The following CCDC40 variants were observed in gnomAD, a reference collection of about 807,000 sequenced individuals.
The protein encoded by CCDC40 is coiled-coil domain-containing protein 40.
CCDC40 carries 104 observed loss-of-function variants against 124.5 expected under a neutral mutation model. That is an observed-to-expected ratio of 0.84 (90% CI 0.71 to 0.98). The LOEUF (loss-of-function observed/expected upper bound fraction) is 0.98. Among genes scored for constraint, CCDC40 ranks in the 50% least tolerant of loss-of-function variants. The probability of loss-of-function intolerance (pLI) is 0.00; values close to 1 mark genes in which losing one functional copy is unlikely to be tolerated. For synonymous variants in CCDC40, 580 were observed against 602.9 expected (o/e 0.96, Z 0.56); for missense variants, 1,463 against 1,503.9 (o/e 0.97, Z 0.45).
chr17:80,066,447 A>G lies in CCDC40; in HGVS notation c.1562+841A>G. On this transcript the variant is annotated intron_variant, in intron 10 of 19. Coordinates refer to ENST00000397545, the MANE Select transcript of CCDC40 (RefSeq NM_017950.4). The surrounding 1 kb of genome is among the most constrained non-coding windows in gnomAD (Gnocchi z 4.4). ...TTTAGACCAAAACATTTTCAAATGA[A>G]TAATATTGGATTAACCATACTCATT... 1 of 486,072 alleles carries G rather than the reference A, an allele frequency of 2.1e-6. No homozygotes were observed. The allele number at this position is 486,072 out of a possible 1,614,324, so 30.1% of individuals were successfully genotyped here. A position where few individuals can be genotyped will look rare whatever the true frequency, so the allele number is the denominator to read the frequency against.
Position 80,087,911 on chromosome 17 carries a change from C to A in CCDC40, c.2620-100C>A. The A allele has an allele frequency of 7.9e-7, 1 of 1,272,948 alleles. No homozygotes were observed. Among genetic ancestry groups the A allele is most frequent in the Non-Finnish European group, 1.1e-6 (1 of 870,744 alleles). The allele number at this position is 1,272,948 out of a possible 1,614,324, so 78.9% of individuals were successfully genotyped here. A position where few individuals can be genotyped will look rare whatever the true frequency, so the allele number is the denominator to read the frequency against. ...GCTTGTAGGGGTATTAGAAATCCAG[C>A]CTGCAGCCCTGCCCTCGGTGCCGGG... On this transcript the variant is annotated intron_variant, in intron 15 of 19. Transcript: ENST00000397545. This position sits in a 1 kb window ranked among gnomAD's most constrained non-coding sequence, Gnocchi z 4.5.
chr17:80,043,491 A>ACACACCCCTGCGGCCGGCCTTGGCT (rs796670136), intron 3 of CCDC40, among the ~76,000 whole-genome samples: 2 of 96,786 alleles, frequency 2.1e-5, no homozygotes, highest in Admixed American at 8.9e-5. Context: ...ATTTATTGGA[A>ACACACCCCTGCGGCCGGCCTTGGCT]CACACCCCTG....
chr17:80,095,166 G>A, intron 17 of CCDC40, 97 bp from the exon 18 acceptor site: 1 of 1,139,406 alleles, frequency 8.8e-7, no homozygotes, highest in Non-Finnish European at 1.3e-6. Flanking sequence ...CCCCATGCGT[G>A]TCACCGGAGG....
chr17:80,055,194 T>C (rs1021671537), intron 7 of CCDC40, among the ~76,000 whole-genome samples: 2 of 152,022 alleles, frequency 1.3e-5, no homozygotes, highest in Non-Finnish European at 2.9e-5. Flanking sequence ...CCTGCTAGCA[T>C]AGCAGTTACC....
rs1272262172 is a variant in CCDC40 at position 80,065,587 on chromosome 17, G to A, written c.1543G>A (p.Ala515Thr). The change falls in exon 10 of 20, where the codon GCG becomes ACG. Residue 515 changes from alanine (A) to threonine (T), a missense_variant. Ala to Thr is a moderately conservative substitution (Grantham distance 58). Coordinates refer to ENST00000397545, the MANE Select transcript of CCDC40 (RefSeq NM_017950.4). The stretch of plus-strand genomic sequence containing the variant: ...GAAGCACCGCGACGAGGCGCACAGG[G>A]CGGTGCTGGAGGCGCTCAGGTACTG... ...GMKHRDEAHR[A>T]VLEALRGCQH... 2 of 1,612,664 alleles carry A rather than the reference G, an allele frequency of 1.2e-6. No individual in the cohort carries two copies. Among genetic ancestry groups the A allele is most frequent in the African/African-American group, 2.7e-5 (2 of 74,928 alleles).
At chr17:80,088,227 AT>A in intron 16 of CCDC40, 125 bp downstream of exon 16, 1 of 734,080 alleles carries the variant, frequency 1.4e-6, no homozygotes, top group Non-Finnish European at 2.5e-6. Flanking sequence ...TGCTTTGGTC[AT>A]TTTTTGTTGT....
intron 17 of CCDC40, among the ~76,000 whole-genome samples, chr17:80,092,773 C>T (rs2038745373): frequency 6.6e-6 from 1 of 151,934 alleles, no homozygotes; most frequent in African/African-American, 2.4e-5. Flanking sequence ...ACGGCACCCA[C>T]CCCTCAGTCT....
Position 80,087,535 on chromosome 17 carries a change from G to T in CCDC40, c.2450-72G>T. The T allele has an allele frequency of 7.8e-7, 1 of 1,277,038 alleles. No individual in the cohort carries two copies. Among genetic ancestry groups the T allele is most frequent in the South Asian group, 1.2e-5 (1 of 82,238 alleles). 79.1% of individuals were successfully genotyped at this position (1,277,038 alleles called of 1,614,324 possible). ...GAGACAAAACCTGGCTCACCTCTCG[G>T]ACACTGCTGCCTGCGGGCGAGGACC... is the stretch of plus-strand genomic sequence containing the variant. On this transcript the variant is annotated intron_variant, in intron 14 of 19. Transcript: ENST00000397545. This position sits in a 1 kb window ranked among gnomAD's most constrained non-coding sequence, Gnocchi z 4.5.
At chr17:80,067,786 G>A (rs1205148499) in intron 10 of CCDC40, 12 of 1,457,658 alleles carry the variant, frequency 8.2e-6, no homozygotes, top group East Asian at 2.5e-5. Context: ...TCACGCCCCC[G>A]GCAGCGGTGT....
chr17:80,050,373 G>A (rs1011920490), intron 7 of CCDC40, 90 bp downstream of exon 7: 16 of 1,050,370 alleles, frequency 1.5e-5, no homozygotes, highest in Non-Finnish European at 2.3e-5. Context: ...ATCTAGAAAA[G>A]TAAGATGTGT....
At chr17:80,084,009 T>A (rs2038520383) in intron 12 of CCDC40, among the ~76,000 whole-genome samples, 1 of 152,180 alleles carries the variant, frequency 6.6e-6, no homozygotes, top group South Asian at 2.1e-4. Flanking sequence ...TAGAAAAGAC[T>A]GGGAGGAAAA....
chr17:80,044,809 C>G (rs1291309305), intron 3 of CCDC40, among the ~76,000 whole-genome samples: 8 of 151,636 alleles, frequency 5.3e-5, no homozygotes, highest in South Asian at 2.1e-4. Flanking sequence ...GCTCTGTAAA[C>G]CCGATTTTCA....
chr17:80,036,961 T>C, intron 1 of CCDC40, among the ~76,000 whole-genome samples: 1 of 151,788 alleles, frequency 6.6e-6, no homozygotes, highest in East Asian at 1.9e-4. Flanking sequence ...AGCGCGCGAC[T>C]CCCTCTAAAA....
chr17:80,041,030 C>T (rs1034709446), intron 3 of CCDC40, among the ~76,000 whole-genome samples: 1 of 152,216 alleles, frequency 6.6e-6, no homozygotes, highest in Non-Finnish European at 1.5e-5. Context: ...ATGACAATAG[C>T]TGCGTTCTTA....
rs757748232 is a variant in CCDC40, at chr17:80,037,690, G to GATATATATATATATATATATATATAT, written c.30-428_30-427insTATATATATATATATATATATATATA. On this transcript the variant is annotated intron_variant, in intron 1 of 19. Transcript: ENST00000397545. ...CTTGAATCTTTAATTTTTTAAAAAAGATATACATATATATATATATATATA... is the reference window on the plus strand; with the variant it reads ...CTTGAATCTTTAATTTTTTAAAAAAGATATATATATATATATATATATATATATATACATATATATATATATATATA... Among the ~76,000 whole-genome samples, 194 of 92,022 alleles carry GATATATATATATATATATATATATAT rather than the reference G, an allele frequency of 2.1e-3. 14 individuals are homozygous for GATATATATATATATATATATATATAT. Among genetic ancestry groups the GATATATATATATATATATATATATAT allele is most frequent in the Middle Eastern group, 6.5e-3 (1 of 154 alleles). 60.4% of individuals were successfully genotyped at this position (92,022 alleles called of 152,430 possible). A position where few individuals can be genotyped will look rare whatever the true frequency, so the allele number is the denominator to read the frequency against.
At position 80,087,109 on chromosome 17, in the gene CCDC40, G is replaced by A. The variant is rs889396007; in HGVS notation, c.2450-498G>A. ...AGAAGCCCTGTGAGGAGTGGCCAGC[G>A]GATGAACCAGCTGTGGCCTCTTGTG... On this transcript the variant is annotated intron_variant, in intron 14 of 19. Coordinates refer to ENST00000397545, the MANE Select transcript of CCDC40 (RefSeq NM_017950.4). The surrounding 1 kb of genome is among the most constrained non-coding windows in gnomAD (Gnocchi z 4.5). The A allele has an allele frequency of 5.1e-5, 11 of 213,756 alleles. No homozygotes were observed. Among genetic ancestry groups the A allele is most frequent in the African/African-American group, 6.8e-5 (3 of 44,184 alleles). 13.2% of individuals were successfully genotyped at this position (213,756 alleles called of 1,614,324 possible).
intron 10 of CCDC40, among the ~76,000 whole-genome samples, chr17:80,079,835 G>A (rs558258051): frequency 2.6e-5 from 4 of 151,872 alleles, no homozygotes; most frequent in Non-Finnish European, 5.9e-5. Context: ...GGCAGCTGAG[G>A]CATGAGAATC....
chr17:80,087,605 A>G lies in CCDC40; in HGVS notation c.2450-2A>G. The G allele has an allele frequency of 1.2e-6, 2 of 1,613,940 alleles. No homozygotes were observed. The highest frequency in any genetic ancestry group is 1.7e-6 in the Non-Finnish European group (2 of 1,179,826). The stretch of plus-strand genomic sequence containing the variant: ...TCCCTGAGTCTCTGTTTTCTGCCAT[A>G]GGCAAGATTGAGCAGGAGAAGAAGG... On this transcript the variant is annotated splice_acceptor_variant, in intron 14 of 19. Coordinates refer to ENST00000397545, the MANE Select transcript of CCDC40 (RefSeq NM_017950.4). LOFTEE classifies it high-confidence loss of function. The surrounding 1 kb of genome is among the most constrained non-coding windows in gnomAD (Gnocchi z 4.5).
Position 80,084,969 on chromosome 17 carries a change from G to T in CCDC40, c.2216G>T (p.Arg739Leu). 1 of 1,613,832 alleles carries T rather than the reference G, an allele frequency of 6.2e-7. No homozygotes were observed. The highest frequency in any genetic ancestry group is 1.1e-5 in the South Asian group (1 of 91,072). ...AACTTCCTCAACAAGCAGCTGGAGC[G>T]GATGGTCTCCGAGCTGGGGGTGAGG... The part of the protein sequence containing the change: ...LINFLNKQLE[R>L]MVSELGGEEV... The change falls in exon 13 of 20, where the codon CGG (arginine) becomes CTG (leucine). Residue 739 changes from arginine to leucine, a missense_variant. By Grantham distance (102) the Arg-to-Leu change is moderately radical. Coordinates refer to ENST00000397545, the MANE Select transcript of CCDC40 (RefSeq NM_017950.4).
Sources: gnomAD v4.1 joint callset for allele counts (sites outside exome capture counted in the v4.1 genomes callset) on GRCh38, gnomAD v4.1.1 for gene constraint, Gnocchi (gnomAD v3.1) non-coding constraint, MANE v1.5 for transcripts, NCBI Gene and HGNC (gene_info 2026-07-23, HGNC 2026-07-21) for gene names.